Variants in ERN1 observed in about 807,000 individuals in gnomAD.
ERN1 encodes the protein serine/threonine-protein kinase/endoribonuclease IRE1.
Under a neutral mutation model 113.1 loss-of-function variants are expected in ERN1, and 39 were observed. The ratio of observed to expected loss-of-function variants is 0.34; its 90% CI spans 0.27 to 0.45. The LOEUF (loss-of-function observed/expected upper bound fraction) is 0.45. Ranked by LOEUF, ERN1 falls within the 20% of genes least tolerant of loss-of-function variation. The pLI, the probability that ERN1 is intolerant of heterozygous loss-of-function variation, is 1.00. For synonymous variants in ERN1, 507 were observed against 515.9 expected, an observed-to-expected ratio of 0.98 and a Z score of 0.23; for missense variants, 976 against 1,274.8, an observed-to-expected ratio of 0.77 and a Z score of 3.57.
At chr17:64,074,087 A>G (rs1391704469) in intron 5 of ERN1, among the ~76,000 whole-genome samples, 1 of 152,218 alleles carries the variant, frequency 6.6e-6, no homozygotes, top group Non-Finnish European at 1.5e-5. Flanking sequence ...GGTAGAGGAG[A>G]ACAGAGCTAG....
intron 2 of ERN1, among the ~76,000 whole-genome samples, chr17:64,081,644 G>C (rs1913771828): frequency 6.6e-6 from 1 of 152,206 alleles, no homozygotes; most frequent in African/African-American, 2.4e-5. Flanking sequence ...AATGCTAATT[G>C]TAAGTTATCC....
At chr17:64,122,989 A>G (rs1223339997) in intron 1 of ERN1, among the ~76,000 whole-genome samples, 1 of 152,216 alleles carries the variant, frequency 6.6e-6, no homozygotes, top group Non-Finnish European at 1.5e-5. Context: ...AAAAAATAAA[A>G]CACCACAGAT....
At chr17:64,118,341 T>C (rs1598090955) in intron 1 of ERN1, among the ~76,000 whole-genome samples, 2 of 152,190 alleles carry the variant, frequency 1.3e-5, no homozygotes, top group Non-Finnish European at 2.9e-5. Flanking sequence ...AACACACATA[T>C]AGAAACAAGA....
intron 1 of ERN1, 86 bp downstream of exon 1, chr17:64,129,890 A>G: frequency 8.2e-7 from 1 of 1,222,718 alleles, no homozygotes. Flanking sequence ...CCCAGCTCGG[A>G]CTCCAGCCCC....
At position 64,049,049 on chromosome 17, in the gene ERN1, G is replaced by A. The variant is rs956216083; in HGVS notation, c.2401+6C>T. The A allele has an allele frequency of 2.5e-6, 4 of 1,577,938 alleles. No individual in the cohort carries two copies. Among genetic ancestry groups the A allele is most frequent in the Non-Finnish European group, 3.5e-6 (4 of 1,154,364 alleles). On this transcript the variant is annotated splice_donor_region_variant and intron_variant, in intron 18 of 21. Coordinates refer to ENST00000433197, the MANE Select transcript of ERN1 (RefSeq NM_001433.5). The surrounding 1 kb of genome is among the most constrained non-coding windows in gnomAD (Gnocchi z 4.7). Reference sequence around the variant, plus strand: ...TGCTCCCAACCCCAACCCCTGGACCGCTCACCGTGCTTCTCTGGGTGCAAG... The same window carrying A: ...TGCTCCCAACCCCAACCCCTGGACCACTCACCGTGCTTCTCTGGGTGCAAG...
At chr17:64,106,451 G>T (rs993819817) in intron 1 of ERN1, among the ~76,000 whole-genome samples, 4 of 152,166 alleles carry the variant, frequency 2.6e-5, no homozygotes, top group African/African-American at 9.7e-5. Flanking sequence ...GGAAGGGCAT[G>T]CCACACAGGG....
At position 64,042,356 on chromosome 17, in the gene ERN1, A is replaced by C. The variant is rs1912367270; in HGVS notation, c.*1632T>G. The C allele has an allele frequency of 1.3e-5, 2 of 152,384 alleles. No homozygotes were observed. The highest frequency in any genetic ancestry group is 4.1e-4 in the South Asian group (2 of 4,834). 9.4% of individuals were successfully genotyped at this position (152,384 alleles called of 1,614,324 possible). ...AAAAAAGTCACTTTAGCTATGATGA[A>C]AGGAAGGGAACTGAATTCTACAAAG... On this transcript the variant is annotated 3_prime_UTR_variant, in exon 22 of 22. Transcript: ENST00000433197.
chr17:64,103,496 CAAAA>C (rs11303108), intron 1 of ERN1, among the ~76,000 whole-genome samples: 2 of 62,280 alleles, frequency 3.2e-5, no homozygotes, highest in East Asian at 9.8e-4. Context: ...GACTCCATCT[CAAAA>C]AAAAAAAAAA....
At chr17:64,107,274 AGTTAT>A (rs1914554208) in intron 1 of ERN1, among the ~76,000 whole-genome samples, 1 of 152,192 alleles carries the variant, frequency 6.6e-6, no homozygotes, top group African/African-American at 2.4e-5. Context: ...CTATCTTTGA[AGTTAT>A]GTTAAGTAAA....
At chr17:64,095,796 CT>C (rs942907681) in intron 2 of ERN1, among the ~76,000 whole-genome samples, 5 of 152,210 alleles carry the variant, frequency 3.3e-5, no homozygotes, top group African/African-American at 1.2e-4. Flanking sequence ...TAAGCTCCTG[CT>C]AAACGGGATA....
intron 9 of ERN1, among the ~76,000 whole-genome samples, chr17:64,064,671 T>C (rs1913161082): frequency 6.6e-6 from 1 of 152,166 alleles, no homozygotes; most frequent in Admixed American, 6.5e-5. Context: ...TATGACGCCT[T>C]GGACTTTCAG....
At position 64,042,722 on chromosome 17, in the gene ERN1, G is replaced by C. The variant is rs1912378617; in HGVS notation, c.*1266C>G. On this transcript the variant is annotated 3_prime_UTR_variant, in exon 22 of 22. Transcript: ENST00000433197. The stretch of plus-strand genomic sequence containing the variant: ...CAAACAATTTAGAGACTATTTCTTT[G>C]ATACTGTTCAATACATTTACATAGT... The C allele has an allele frequency of 6.6e-6, 1 of 152,144 alleles. No homozygotes were observed. The allele number at this position is 152,144 out of a possible 1,614,324, so 9.4% of individuals were successfully genotyped here. A position where few individuals can be genotyped will look rare whatever the true frequency, so the allele number is the denominator to read the frequency against.
rs1912722182 is a variant in ERN1 at position 64,052,668 on chromosome 17, A to G, written c.2253+112T>C. 6 of 913,750 alleles carry G rather than the reference A, an allele frequency of 6.6e-6. No individual in the cohort carries two copies. The African/African-American group carries it at 8.3e-5, about 13-fold the overall frequency. The allele number at this position is 913,750 out of a possible 1,614,324, so 56.6% of individuals were successfully genotyped here. On this transcript the variant is annotated intron_variant, in intron 17 of 21. Coordinates refer to ENST00000433197, the MANE Select transcript of ERN1 (RefSeq NM_001433.5). ...AGAAGCTCTTGGTGAAAGGAATGCC[A>G]TTCTCCAGCTACACGGGCACCAGCC...
At chr17:64,098,315 C>T (rs368900895) in intron 1 of ERN1, 74 bp from the exon 2 acceptor site, 5 of 1,559,656 alleles carry the variant, frequency 3.2e-6, no homozygotes, top group Admixed American at 1.7e-5. Flanking sequence ...ACAGACCCCC[C>T]ACTCCCAAGG....
rs201214677 is a variant in ERN1 at position 64,044,032 on chromosome 17, C to G, written c.2890G>C (p.Glu964Gln). The change falls in exon 22 of 22, where the codon GAG becomes CAG. Residue 964 changes from glutamate (E) to glutamine (Q), a missense_variant. By Grantham distance (29) the Glu-to-Gln change is conservative. Transcript: ENST00000433197. The surrounding 1 kb of genome is among the most constrained non-coding windows in gnomAD (Gnocchi z 4.1). ...ERLFQPYYFH[E>Q]PPEPQPPVTP... The stretch of plus-strand genomic sequence containing the variant: ...ACTGGGGGCTGGGGCTCTGGGGGCT[C>G]GTGGAAGTAGTAGGGCTGGAAGAGT... 2.5e-6 allele frequency: 4 copies of G among 1,613,116 alleles called. No homozygotes were observed. The highest frequency in any genetic ancestry group is 2.5e-6 in the Non-Finnish European group (3 of 1,179,630).
intron 1 of ERN1, among the ~76,000 whole-genome samples, chr17:64,126,471 T>G (rs1051630120): frequency 1.3e-5 from 2 of 151,956 alleles, no homozygotes; most frequent in Non-Finnish European, 2.9e-5. Flanking sequence ...CATCCAGACA[T>G]GAAGAAACTT....
chr17:64,064,161 G>A lies in ERN1; in HGVS notation c.922-10C>T, dbSNP rs764383890. 6.3e-7 allele frequency: 1 copy of A among 1,583,466 alleles called. No homozygotes were observed. Among genetic ancestry groups the A allele is most frequent in the South Asian group, 1.1e-5 (1 of 87,322 alleles). On this transcript the variant is annotated splice_polypyrimidine_tract_variant and intron_variant, in intron 9 of 21. Transcript: ENST00000433197. ...GTGTGCTGCCGCGGGGCTGTGGAGAGGGTGCAGTGAGGGTCAGGAGCCCTG... is the reference window on the plus strand; with the variant it reads ...GTGTGCTGCCGCGGGGCTGTGGAGAAGGTGCAGTGAGGGTCAGGAGCCCTG...
intron 4 of ERN1, 35 bp from the exon 5 acceptor site, chr17:64,075,282 A>G (rs1019739980): frequency 3.4e-6 from 5 of 1,462,002 alleles, no homozygotes; most frequent in Non-Finnish European, 4.5e-6. Flanking sequence ...AAAAAAGTTA[A>G]CCAAGTCTTG....
intron 2 of ERN1, among the ~76,000 whole-genome samples, chr17:64,085,408 T>C (rs1246579220): frequency 6.6e-6 from 1 of 152,096 alleles, no homozygotes; most frequent in Non-Finnish European, 1.5e-5. Context: ...CAGGCTCTTT[T>C]TAAGAACCAT....
Sources: gnomAD v4.1 joint callset for allele counts (sites outside exome capture counted in the v4.1 genomes callset) on GRCh38, gnomAD v4.1.1 for gene constraint, Gnocchi (gnomAD v3.1) non-coding constraint, MANE v1.5 for transcripts, NCBI Gene and HGNC (gene_info 2026-07-23, HGNC 2026-07-21) for gene names.